The following RAB3C variants were observed in gnomAD, a reference collection of about 807,000 sequenced individuals.
RAB3C encodes RAB3C, member RAS oncogene family, also known as ras-related protein Rab-3C.
Under a neutral mutation model 26.4 loss-of-function variants are expected in RAB3C, and 17 were observed. That is an observed-to-expected ratio of 0.64 (90% CI 0.44 to 0.97). RAB3C has a LOEUF of 0.97. Among genes scored for constraint, RAB3C ranks in the 50% least tolerant of loss-of-function variants. The pLI, the probability that RAB3C is intolerant of heterozygous loss-of-function variation, is 0.00. For missense variants in RAB3C, 242 were observed against 281.9 expected, an observed-to-expected ratio of 0.86 and a Z score of 1.01; for synonymous variants, 91 against 95.9, an observed-to-expected ratio of 0.95 and a Z score of 0.30.
intron 3 of RAB3C, among the ~76,000 whole-genome samples, chr5:58,792,149 A>G (rs1221912361): frequency 1.3e-5 from 2 of 152,232 alleles, no homozygotes; most frequent in African/African-American, 2.4e-5. Context: ...ATGGCAAGCC[A>G]TCTCCATTTT....
intron 2 of RAB3C, among the ~76,000 whole-genome samples, chr5:58,686,203 T>C (rs1000082618): frequency 6.6e-6 from 1 of 152,012 alleles, no homozygotes. Flanking sequence ...AGTTGAAAAA[T>C]ATCATCATGA....
At chr5:58,621,372 T>C (rs1054492138) in intron 2 of RAB3C, among the ~76,000 whole-genome samples, 2 of 152,184 alleles carry the variant, frequency 1.3e-5, no homozygotes, top group Admixed American at 6.5e-5. Flanking sequence ...GATTTGACCT[T>C]ACCTTACAGT....
intron 2 of RAB3C, 54 bp downstream of exon 2, chr5:58,617,924 AT>A (rs1432641932): frequency 8.8e-7 from 1 of 1,133,794 alleles, no homozygotes; most frequent in Non-Finnish European, 1.3e-6. Context: ...GAACATATCC[AT>A]TTGTAAGGGA....
intron 1 of RAB3C, among the ~76,000 whole-genome samples, chr5:58,600,670 G>C (rs1746432931): frequency 6.6e-6 from 1 of 152,084 alleles, no homozygotes. Flanking sequence ...GTATAGAAGA[G>C]GTACTGATTT....
chr5:58,619,205 C>T (rs372608495), intron 2 of RAB3C, among the ~76,000 whole-genome samples: 13 of 152,220 alleles, frequency 8.5e-5, no homozygotes, highest in African/African-American at 2.2e-4. Flanking sequence ...TTATAAATCA[C>T]GTAAGAATTT....
At chr5:58,606,314 T>C (rs1003538672) in intron 1 of RAB3C, among the ~76,000 whole-genome samples, 6 of 152,170 alleles carry the variant, frequency 3.9e-5, no homozygotes, top group African/African-American at 1.2e-4. Context: ...CAGTCTGAGA[T>C]TGACCTGCAA....
chr5:58,656,222 A>C (rs1747769613), intron 2 of RAB3C, among the ~76,000 whole-genome samples: 1 of 152,228 alleles, frequency 6.6e-6, no homozygotes, highest in Non-Finnish European at 1.5e-5. Context: ...TAGTTTACAC[A>C]CAAAGTAGAC....
intron 3 of RAB3C, among the ~76,000 whole-genome samples, chr5:58,727,784 T>C (rs1257248207): frequency 6.6e-6 from 1 of 151,990 alleles, no homozygotes; most frequent in African/African-American, 2.4e-5. Context: ...TTATAAGTTT[T>C]CCAAAAGAAC....
At chr5:58,703,843 A>G (rs1038922376) in intron 2 of RAB3C, among the ~76,000 whole-genome samples, 1 of 152,202 alleles carries the variant, frequency 6.6e-6, no homozygotes, top group African/African-American at 2.4e-5. Flanking sequence ...CTAAACAGCT[A>G]TTTGGGAGCA....
intron 3 of RAB3C, among the ~76,000 whole-genome samples, chr5:58,764,713 A>T (rs1741862072): frequency 8.3e-6 from 1 of 120,740 alleles, no homozygotes; most frequent in South Asian, 2.3e-4. Flanking sequence ...TCTCTTGGTT[A>T]AAAAAAAATC....
intron 1 of RAB3C, among the ~76,000 whole-genome samples, chr5:58,585,564 G>A (rs1163854764): frequency 6.6e-6 from 1 of 151,924 alleles, no homozygotes; most frequent in East Asian, 1.9e-4. Flanking sequence ...ATTTGTTGAT[G>A]TGAAAGAAAA....
At position 58,662,729 on chromosome 5, in the gene RAB3C, G is replaced by A. The variant is rs1399717591; in HGVS notation, c.252+44859G>A. 1.3e-5 allele frequency among the ~76,000 whole-genome samples: 2 copies of A among 150,162 alleles called. 1 individual carries two copies. The highest frequency in any genetic ancestry group is 5.1e-5 in the African/African-American group (2 of 39,538). On this transcript the variant is annotated intron_variant, in intron 2 of 4. Coordinates refer to ENST00000282878, the MANE Select transcript of RAB3C (RefSeq NM_138453.4). ...AGATACCATTTACATGAAATTCAAGGACAGACAAAAAGTAAGCTGTGGTGA... is the reference window on the plus strand; with the variant it reads ...AGATACCATTTACATGAAATTCAAGAACAGACAAAAAGTAAGCTGTGGTGA...
intron 3 of RAB3C, among the ~76,000 whole-genome samples, chr5:58,808,337 G>A (rs1003751284): frequency 1.3e-5 from 2 of 151,724 alleles, no homozygotes; most frequent in African/African-American, 4.9e-5. Flanking sequence ...AGTACACAGA[G>A]AAAAGTTGCA....
At chr5:58,721,508 T>C (rs1321739273) in intron 2 of RAB3C, among the ~76,000 whole-genome samples, 1 of 151,848 alleles carries the variant, frequency 6.6e-6, no homozygotes, top group Non-Finnish European at 1.5e-5. Flanking sequence ...GTTAGTTACC[T>C]GAGACTGTTC....
At chr5:58,740,102 T>A (rs1741245139) in intron 3 of RAB3C, among the ~76,000 whole-genome samples, 1 of 152,174 alleles carries the variant, frequency 6.6e-6, no homozygotes, top group Admixed American at 6.5e-5. Context: ...AGTATCTGGT[T>A]GTTGGGCCAG....
chr5:58,747,812 A>AT (rs1164861014), intron 3 of RAB3C, among the ~76,000 whole-genome samples: 4 of 151,934 alleles, frequency 2.6e-5, no homozygotes, highest in Admixed American at 2.0e-4. Flanking sequence ...AAGGATTACA[A>AT]TTAAGACCTT....
intron 2 of RAB3C, among the ~76,000 whole-genome samples, chr5:58,694,371 G>T (rs1243213380): frequency 6.6e-6 from 1 of 152,114 alleles, no homozygotes; most frequent in Admixed American, 6.5e-5. Flanking sequence ...CTTTGCTATT[G>T]TGAATAGTGC....
intron 3 of RAB3C, among the ~76,000 whole-genome samples, chr5:58,751,971 A>G (rs544433152): frequency 6.6e-6 from 1 of 152,336 alleles, no homozygotes; most frequent in South Asian, 2.1e-4. Flanking sequence ...TCAACTTTTC[A>G]GACTCAGTAG....
intron 3 of RAB3C, among the ~76,000 whole-genome samples, chr5:58,786,434 G>A (rs934315063): frequency 6.6e-6 from 1 of 152,044 alleles, no homozygotes; most frequent in Non-Finnish European, 1.5e-5. Context: ...TGGAACAGGC[G>A]ACTCCAGACA....
Sources: allele counts gnomAD v4.1 joint callset (sites outside exome capture counted in the v4.1 genomes callset), GRCh38; gene constraint gnomAD v4.1.1; transcripts MANE v1.5; gene names NCBI Gene and HGNC (gene_info 2026-07-23, HGNC 2026-07-21).